EIF2AK2: variants seen among roughly 807,000 people sequenced by gnomAD.
EIF2AK2 encodes the protein eukaryotic translation initiation factor 2 alpha kinase 2, also known as interferon-induced, double-stranded RNA-activated protein kinase.
EIF2AK2 carries 40 observed loss-of-function variants against 70.5 expected under a neutral mutation model. The ratio of observed to expected loss-of-function variants is 0.57; its 90% confidence interval spans 0.44 to 0.74. The LOEUF (loss-of-function observed/expected upper bound fraction) is 0.74. Among genes scored for constraint, EIF2AK2 ranks in the 30% least tolerant of loss-of-function variants. EIF2AK2 has a pLI of 0.00. For missense variants in EIF2AK2, 555 were observed against 644.3 expected, an observed-to-expected ratio of 0.86 and a Z score of 1.50; for synonymous variants, 198 against 220.9, an observed-to-expected ratio of 0.90 and a Z score of 0.92.
At position 37,117,814 on chromosome 2, in the gene EIF2AK2, G is replaced by A. The variant is rs892678914; in HGVS notation, c.1248+2145C>T. ...CTAGTTCCTAAGATTCCAACAGAAAGTGGTAAACACTTGGAGACTTTTGTA... is the reference window on the plus strand; with the variant it reads ...CTAGTTCCTAAGATTCCAACAGAAAATGGTAAACACTTGGAGACTTTTGTA... On this transcript the variant is annotated intron_variant, in intron 13 of 16. Coordinates refer to ENST00000233057, the MANE Select transcript of EIF2AK2 (RefSeq NM_001135651.3). Among the ~76,000 whole-genome samples, 36 of 152,170 alleles carry A rather than the reference G, an allele frequency of 2.4e-4. 1 individual carries two copies. The highest frequency in any genetic ancestry group is 1.5e-5 in the Non-Finnish European group (1 of 68,040).
At chr2:37,137,167 C>G in intron 8 of EIF2AK2, 150 bp from the exon 9 acceptor site, 2 of 560,914 alleles carry the variant, frequency 3.6e-6, no homozygotes, top group Non-Finnish European at 6.2e-6. Flanking sequence ...TGTATCAACA[C>G]TTAGTATTGT....
intron 14 of EIF2AK2, among the ~76,000 whole-genome samples, chr2:37,112,158 T>C (rs563783212): frequency 2.0e-5 from 3 of 152,080 alleles, no homozygotes; most frequent in Admixed American, 6.6e-5. Context: ...GGTTCTGCCA[T>C]TGCTTTCTGC....
At chr2:37,117,211 CA>C (rs534964659) in intron 13 of EIF2AK2, among the ~76,000 whole-genome samples, 587 of 44,248 alleles carry the variant, frequency 0.013, 3 homozygotes, top group South Asian at 0.036. Flanking sequence ...GACTCTGTCT[CA>C]AAAAAAAAAA....
In EIF2AK2 at chr2:37,104,539, C is replaced by CA. The variant is rs1673907908; in HGVS notation, c.*2733dup. On this transcript the variant is annotated 3_prime_UTR_variant, in exon 17 of 17. Coordinates refer to ENST00000233057, the MANE Select transcript of EIF2AK2 (RefSeq NM_001135651.3). ...CTCACTGTGTTGCCCAGGCTAGTCT[C>CA]AAAATCCTATGCTCAAGCCATCCTC... is the stretch of plus-strand genomic sequence containing the variant. The CA allele has an allele frequency of 6.6e-6, 1 of 152,148 alleles. No individual in the cohort carries two copies. The highest frequency in any genetic ancestry group is 1.5e-5 in the Non-Finnish European group (1 of 68,048). 9.4% of individuals were successfully genotyped at this position (152,148 alleles called of 1,614,324 possible).
chr2:37,114,495 T>G (rs1674266957), intron 14 of EIF2AK2, among the ~76,000 whole-genome samples: 1 of 152,096 alleles, frequency 6.6e-6, no homozygotes, highest in South Asian at 2.1e-4. Flanking sequence ...CACATATATA[T>G]GTTTCTGTAA....
intron 14 of EIF2AK2, 39 bp downstream of exon 14, chr2:37,114,692 A>G (rs1316967466): frequency 2.0e-6 from 3 of 1,471,254 alleles, no homozygotes; most frequent in East Asian, 4.9e-5. Flanking sequence ...TTTCAAAATA[A>G]AAGAAGTAAA....
intron 1 of EIF2AK2, chr2:37,149,395 C>CA: frequency 1.9e-6 from 1 of 519,454 alleles, no homozygotes; most frequent in South Asian, 2.2e-5. Context: ...TGTCAAATGA[C>CA]AAAGATTTTA....
chr2:37,122,940 G>T (rs1161721421), intron 11 of EIF2AK2, among the ~76,000 whole-genome samples: 1 of 152,104 alleles, frequency 6.6e-6, no homozygotes, highest in South Asian at 2.1e-4. Context: ...GGCGAAGGTG[G>T]GCGGATCACG....
intron 14 of EIF2AK2, 147 bp from the exon 15 acceptor site, chr2:37,109,442 T>C (rs751564963): frequency 1.6e-5 from 10 of 630,302 alleles, no homozygotes; most frequent in Non-Finnish European, 2.8e-5. Context: ...TCTGACTGCC[T>C]AGGTTCAAAT....
chr2:37,149,190 G>A (rs1558431496), intron 1 of EIF2AK2, 167 bp from the exon 2 acceptor site: 7 of 1,098,032 alleles, frequency 6.4e-6, no homozygotes, highest in Admixed American at 5.1e-5. Context: ...TATGCTTGTC[G>A]TGCCTGTGGT....
At chr2:37,141,742 A>T in intron 4 of EIF2AK2, 41 bp from the exon 5 acceptor site, 1 of 1,551,128 alleles carries the variant, frequency 6.4e-7, no homozygotes, top group African/African-American at 1.4e-5. Flanking sequence ...AAATGACAAC[A>T]AAGATTTAAC....
At chr2:37,115,982 T>C (rs1674327607) in intron 13 of EIF2AK2, among the ~76,000 whole-genome samples, 1 of 152,012 alleles carries the variant, frequency 6.6e-6, no homozygotes, top group African/African-American at 2.4e-5. Context: ...CCACAACCTC[T>C]GCTTCCTGGG....
intron 1 of EIF2AK2, among the ~76,000 whole-genome samples, chr2:37,152,529 C>T (rs888414453): frequency 6.6e-6 from 1 of 152,170 alleles, no homozygotes; most frequent in East Asian, 1.9e-4. Flanking sequence ...GATCCACCAG[C>T]CTCAGCCTCC....
At position 37,114,780 on chromosome 2, in the gene EIF2AK2, C is replaced by G. The variant is rs778120333; in HGVS notation, c.1328G>C (p.Gly443Ala). 1.9e-6 allele frequency: 3 copies of G among 1,605,524 alleles called. No homozygotes were observed. The South Asian group carries it at 3.3e-5, about 18-fold the overall frequency. Residue 443 changes from glycine to alanine, a missense_variant, in exon 14 of 17, where the codon GGA becomes GCA. Transcript: ENST00000233057. ...FGLVTSLKND[G>A]KRTRSKGTLR... ...AGTTCCCTTACTCCTTGTTCGCTTTCCATCATTTTTCAGAGATGTTACAAG... is the reference window on the plus strand; with the variant it reads ...AGTTCCCTTACTCCTTGTTCGCTTTGCATCATTTTTCAGAGATGTTACAAG...
intron 4 of EIF2AK2, among the ~76,000 whole-genome samples, 183 bp from the exon 5 acceptor site, chr2:37,141,884 T>A (rs1675344568): frequency 6.6e-6 from 1 of 152,170 alleles, no homozygotes; most frequent in South Asian, 2.1e-4. Context: ...CAGAAAAAAA[T>A]CGACGAAGAT....
At chr2:37,138,798 T>C (rs1675218012) in intron 6 of EIF2AK2, among the ~76,000 whole-genome samples, 1 of 152,106 alleles carries the variant, frequency 6.6e-6, no homozygotes, top group African/African-American at 2.4e-5. Flanking sequence ...AGATATTTTG[T>C]TTGTTTCTTT....
At chr2:37,155,383 A>G (rs949912465) in intron 1 of EIF2AK2, among the ~76,000 whole-genome samples, 33 of 152,194 alleles carry the variant, frequency 2.2e-4, no homozygotes, top group Admixed American at 2.0e-4. Context: ...GTGAGTACCA[A>G]AATATCTCCA....
At chr2:37,147,879 T>G in intron 2 of EIF2AK2, 57 bp from the exon 3 acceptor site, 3 of 1,267,074 alleles carry the variant, frequency 2.4e-6, no homozygotes, top group Middle Eastern at 1.9e-4. Context: ...TTAATCTGAG[T>G]TTCCCAATGC....
chr2:37,129,948 G>T (rs1674882012), intron 10 of EIF2AK2, among the ~76,000 whole-genome samples: 1 of 152,062 alleles, frequency 6.6e-6, no homozygotes, highest in Admixed American at 6.6e-5. Context: ...CCCATAGTAT[G>T]GAACACTGAC....
Sources: gnomAD v4.1 joint callset for allele counts (sites outside exome capture counted in the v4.1 genomes callset) on GRCh38, gnomAD v4.1.1 for gene constraint, MANE v1.5 for transcripts, NCBI Gene and HGNC (gene_info 2026-07-23, HGNC 2026-07-21) for gene names.